The following ORC4 variants were observed in gnomAD, a reference collection of about 807,000 sequenced individuals.
ORC4 encodes the protein origin recognition complex subunit 4.
Under a neutral mutation model 63.9 loss-of-function variants are expected in ORC4, and 55 were observed. That is an observed-to-expected ratio of 0.86 (90% CI 0.69 to 1.08). ORC4 has a LOEUF of 1.08. Among genes scored for constraint, ORC4 ranks in the 50% least tolerant of loss-of-function variants. ORC4 has a pLI of 0.00. For missense variants in ORC4, 511 were observed against 504.4 expected, an observed-to-expected ratio of 1.01 and a Z score of -0.13; for synonymous variants, 150 against 168.5, an observed-to-expected ratio of 0.89 and a Z score of 0.85.
Position 147,935,274 on chromosome 2 carries a change from G to A in ORC4, c.*236C>T, listed in dbSNP as rs1200886994. 2 of 532,864 alleles carry A rather than the reference G, an allele frequency of 3.8e-6. No individual in the cohort carries two copies. The highest frequency in any genetic ancestry group is 6.8e-6 in the Non-Finnish European group (2 of 295,690). The allele number at this position is 532,864 out of a possible 1,614,324, so 33.0% of individuals were successfully genotyped here. Reference sequence around the variant, plus strand: ...AGCACATGGTCTAGTCCCTAAAACAGTCATATTTTATTCTTCTGAACAGCT... The same window carrying A: ...AGCACATGGTCTAGTCCCTAAAACAATCATATTTTATTCTTCTGAACAGCT... On this transcript the variant is annotated 3_prime_UTR_variant, in exon 14 of 14. Transcript: ENST00000392857.
chr2:147,943,459 G>T lies in ORC4; in HGVS notation c.826C>A (p.Leu276Met). The T allele has an allele frequency of 6.2e-7, 1 of 1,603,114 alleles. No homozygotes were observed. Among genetic ancestry groups the T allele is most frequent in the South Asian group, 1.1e-5 (1 of 90,858 alleles). ...LQKHFNISKNLRSLHMLLMLA... is the reference protein window; with the variant it reads ...LQKHFNISKNMRSLHMLLMLA... Reference sequence around the variant, plus strand: ...ACCAATAGCATGTGTAATGACCGCAGGTTTTTGCTGATATTGAAATGCTTC... The same window carrying T: ...ACCAATAGCATGTGTAATGACCGCATGTTTTTGCTGATATTGAAATGCTTC... The change falls in exon 10 of 14, where the codon CTG becomes ATG. Residue 276 changes from leucine (L) to methionine (M), a missense_variant. Coordinates refer to ENST00000392857, the MANE Select transcript of ORC4 (RefSeq NM_181741.4).
At chr2:147,959,957 A>G (rs1689493304) in intron 4 of ORC4, among the ~76,000 whole-genome samples, 1 of 152,222 alleles carries the variant, frequency 6.6e-6, no homozygotes, top group Admixed American at 6.5e-5. Flanking sequence ...GATGATACAG[A>G]GTTGGTCTCT....
intron 1 of ORC4, among the ~76,000 whole-genome samples, chr2:147,998,470 C>T (rs952014829): frequency 2.0e-5 from 3 of 152,162 alleles, no homozygotes; most frequent in African/African-American, 4.8e-5. Flanking sequence ...TGGCGAATGG[C>T]TTAGTTCCTT....
At chr2:148,009,655 T>C (rs556409636) in intron 1 of ORC4, among the ~76,000 whole-genome samples, 4 of 152,272 alleles carry the variant, frequency 2.6e-5, no homozygotes, top group South Asian at 4.1e-4. Context: ...ACTTTCACCA[T>C]TGGACAGATC....
intron 2 of ORC4, 38 bp downstream of exon 2, chr2:147,975,864 G>C (rs747269542): frequency 1.3e-5 from 15 of 1,168,536 alleles, no homozygotes; most frequent in South Asian, 1.2e-5. Flanking sequence ...AGCTTTACAG[G>C]GTAAAATATC....
chr2:148,005,658 A>G (rs1234649946), intron 1 of ORC4, among the ~76,000 whole-genome samples: 1 of 132,270 alleles, frequency 7.6e-6, no homozygotes, highest in Non-Finnish European at 1.7e-5. Context: ...TATCCATGCA[A>G]AAAAAAAAAA....
chr2:147,933,976 C>G lies in ORC4; in HGVS notation c.*1534G>C, dbSNP rs971993872. 6.6e-6 allele frequency: 1 copy of G among 152,116 alleles called. No homozygotes were observed. Among genetic ancestry groups the G allele is most frequent in the African/African-American group, 2.4e-5 (1 of 41,434 alleles). The allele number at this position is 152,116 out of a possible 1,614,324, so 9.4% of individuals were successfully genotyped here. A position where few individuals can be genotyped will look rare whatever the true frequency, so the allele number is the denominator to read the frequency against. On this transcript the variant is annotated 3_prime_UTR_variant, in exon 14 of 14. Transcript: ENST00000392857. The stretch of plus-strand genomic sequence containing the variant: ...TGAAGAGCTACTTTATGCTCAGAAA[C>G]CTTTTATTCCACTTTGTATCCAAGA...
Position 147,939,163 on chromosome 2 carries a change from TC to T in ORC4, c.934del (p.Asp312ThrfsTer18). The T allele has an allele frequency of 6.2e-7, 1 of 1,610,058 alleles. No homozygotes were observed. The part of the protein sequence containing the change: ...LMEASQLCSM[D>X]SKANIVHGLS... ...ACCATGTACAATATTTGCTTTCGAGTCCATGCTACACAGTTGGCTTGCTTCC... is the reference window on the plus strand; with the variant it reads ...ACCATGTACAATATTTGCTTTCGAGTCATGCTACACAGTTGGCTTGCTTCC... On this transcript the variant is annotated frameshift_variant, in exon 11 of 14. Transcript: ENST00000392857. LOFTEE classifies it high-confidence loss of function.
chr2:147,970,165 T>C (rs1021538015), intron 4 of ORC4, among the ~76,000 whole-genome samples: 1 of 152,150 alleles, frequency 6.6e-6, no homozygotes, highest in East Asian at 1.9e-4. Flanking sequence ...ATGTGTAAGA[T>C]CTTTATTAAG....
At chr2:147,963,815 T>C (rs1365436746) in intron 4 of ORC4, among the ~76,000 whole-genome samples, 1 of 152,106 alleles carries the variant, frequency 6.6e-6, no homozygotes, top group Admixed American at 6.5e-5. Context: ...ACTCTCAGCC[T>C]AGGCCACTGA....
intron 1 of ORC4, among the ~76,000 whole-genome samples, chr2:147,985,990 T>A (rs992322758): frequency 6.6e-6 from 1 of 152,132 alleles, no homozygotes. Context: ...AGACAAAACA[T>A]AGCAGAGGAA....
intron 1 of ORC4, among the ~76,000 whole-genome samples, chr2:147,991,204 C>T (rs765978452): frequency 7.9e-5 from 12 of 151,916 alleles, no homozygotes; most frequent in Admixed American, 5.2e-4. Flanking sequence ...TGCGCCACCA[C>T]GCTCGGCTAA....
intron 1 of ORC4, among the ~76,000 whole-genome samples, chr2:148,007,969 T>C (rs1463640798): frequency 6.6e-6 from 1 of 152,104 alleles, no homozygotes; most frequent in Admixed American, 6.5e-5. Flanking sequence ...TAGTATTAGG[T>C]TGGTGCACAA....
intron 1 of ORC4, among the ~76,000 whole-genome samples, chr2:148,009,904 CATAG>C (rs761442301): frequency 2.0e-5 from 3 of 152,116 alleles, no homozygotes; most frequent in Non-Finnish European, 2.9e-5. Context: ...TTTATAAAAA[CATAG>C]ATAGACCAAA....
At chr2:147,980,376 A>G (rs1690812721) in intron 1 of ORC4, among the ~76,000 whole-genome samples, 2 of 152,164 alleles carry the variant, frequency 1.3e-5, no homozygotes, top group Non-Finnish European at 2.9e-5. Context: ...CGCTAATACC[A>G]TGCCAATTTA....
intron 1 of ORC4, among the ~76,000 whole-genome samples, chr2:148,019,309 G>A (rs1168028696): frequency 6.6e-6 from 1 of 152,228 alleles, no homozygotes; most frequent in Non-Finnish European, 1.5e-5. Context: ...ACCTACACCG[G>A]CCGGGCGCGG....
intron 1 of ORC4, 30 bp from the exon 2 acceptor site, chr2:147,976,005 A>T (rs1415031319): frequency 9.6e-7 from 1 of 1,039,714 alleles, no homozygotes; most frequent in Non-Finnish European, 1.5e-6. Flanking sequence ...AATATTATAA[A>T]CGTAGTGACT....
intron 1 of ORC4, among the ~76,000 whole-genome samples, chr2:147,983,441 A>G (rs1691006658): frequency 6.6e-6 from 1 of 152,188 alleles, no homozygotes; most frequent in Admixed American, 6.5e-5. Context: ...GCCCCTGGCT[A>G]CCCAGAATCC....
intron 8 of ORC4, 58 bp from the exon 9 acceptor site, chr2:147,948,282 C>CAAAAACCTCTA: frequency 8.6e-7 from 1 of 1,162,582 alleles, no homozygotes; most frequent in Admixed American, 1.8e-5. Flanking sequence ...AAAACAAAAA[C>CAAAAACCTCTA]ACTGTACCAA....
Sources: allele counts gnomAD v4.1 joint callset (sites outside exome capture counted in the v4.1 genomes callset), GRCh38; gene constraint gnomAD v4.1.1; transcripts MANE v1.5; gene names NCBI Gene and HGNC (gene_info 2026-07-23, HGNC 2026-07-21).